The following RGS6 variants were observed in gnomAD, a reference collection of about 807,000 sequenced individuals.
RGS6 encodes the protein regulator of G protein signaling 6, also known as regulator of G-protein signaling 6.
Under a neutral mutation model 78.5 loss-of-function variants are expected in RGS6, and 30 were observed. That is an observed-to-expected ratio of 0.38 (90% CI 0.29 to 0.52). The LOEUF (loss-of-function observed/expected upper bound fraction) is 0.52, where lower values mean the gene tolerates loss of function less well. Ranked by LOEUF, RGS6 falls within the 20% of genes least tolerant of loss-of-function variation. The probability of loss-of-function intolerance (pLI) is 0.85; values close to 1 mark genes in which losing one functional copy is unlikely to be tolerated. For missense variants in RGS6, 495 were observed against 609.7 expected (o/e 0.81, Z 1.98); for synonymous variants, 206 against 206.0 (o/e 1.00, Z 0.00).
intron 12 of RGS6, among the ~76,000 whole-genome samples, chr14:72,484,142 A>G (rs2096441338): frequency 6.6e-6 from 1 of 152,300 alleles, no homozygotes; most frequent in South Asian, 2.1e-4. Flanking sequence ...GCGTGCCAGC[A>G]TGCTCTCCTC....
chr14:72,559,632 GT>G lies in RGS6; in HGVS notation c.1423-2783del, dbSNP rs762766932. On this transcript the variant is annotated intron_variant, in intron 17 of 17. Coordinates refer to ENST00000553525, the MANE Select transcript of RGS6 (RefSeq NM_001204424.2). ...AAAAATGCCAAGCAGCACCGCCTGG[GT>G]TGCTGAGAGGTTGGGAACAATCCCA... Among the ~76,000 whole-genome samples the G allele has an allele frequency of 2.3e-4, 35 of 152,332 alleles. No homozygotes were observed. The East Asian group carries it at 6.6e-3, about 29-fold the overall frequency.
chr14:72,245,232 A>G (rs2053928809), intron 2 of RGS6, among the ~76,000 whole-genome samples: 1 of 152,206 alleles, frequency 6.6e-6, no homozygotes, highest in Non-Finnish European at 1.5e-5. Context: ...TTCACAGGGA[A>G]ATGACTTTGC....
intron 2 of RGS6, among the ~76,000 whole-genome samples, chr14:72,139,873 C>A (rs1433104034): frequency 6.6e-6 from 1 of 152,052 alleles, no homozygotes; most frequent in Non-Finnish European, 1.5e-5. Flanking sequence ...TGTGCCTACA[C>A]TTGCATGTTT....
At chr14:71,903,102 C>T in the RGS6 span, among the ~76,000 whole-genome samples, 2 of 152,194 alleles carry the variant, frequency 1.3e-5, no homozygotes, top group Non-Finnish European at 2.9e-5. Flanking sequence ...AAAAGAACTC[C>T]AGGAACCTGG....
In RGS6 at chr14:71,964,585, GT is replaced by G. The variant is rs1462680088; in HGVS notation, c.-20-184del. The stretch of plus-strand genomic sequence containing the variant: ...CTGAGCTGAAAATCAATAACATGTT[GT>G]TTGGGGATTAGAAGAATATTTGTGG... On this transcript the variant is annotated intron_variant, in intron 1 of 17. Transcript: ENST00000553525. 5.9e-5 allele frequency among the ~76,000 whole-genome samples: 9 copies of G among 152,236 alleles called. No homozygotes were observed. In the East Asian group the frequency reaches 1.5e-3, roughly 26 times the overall value.
At chr14:72,380,769 C>G (rs1596475989) in intron 3 of RGS6, among the ~76,000 whole-genome samples, 1 of 151,988 alleles carries the variant, frequency 6.6e-6, no homozygotes, top group Non-Finnish European at 1.5e-5. Context: ...GGAGGTTCCT[C>G]AAAACACTAA....
rs190920559 is a variant in RGS6 at position 72,059,230 on chromosome 14, G to A, written c.84+94355G>A. Among the ~76,000 whole-genome samples the A allele has an allele frequency of 1.7e-3, 252 of 152,214 alleles. 3 individuals carry two copies. Among genetic ancestry groups the A allele is most frequent in the African/African-American group, 5.6e-3 (234 of 41,542 alleles). Reference sequence around the variant, plus strand: ...GCTTATTTTCAATACTCTTTTCTCAGGGATCTTGGTAACCAGAGCAGAATG... The same window carrying A: ...GCTTATTTTCAATACTCTTTTCTCAAGGATCTTGGTAACCAGAGCAGAATG... On this transcript the variant is annotated intron_variant, in intron 2 of 17. Coordinates refer to ENST00000553525, the MANE Select transcript of RGS6 (RefSeq NM_001204424.2).
intron 7 of RGS6, among the ~76,000 whole-genome samples, chr14:72,466,746 A>T (rs898906191): frequency 7.9e-5 from 12 of 152,352 alleles, no homozygotes; most frequent in Admixed American, 6.5e-4. Flanking sequence ...TTGGAAGGTG[A>T]TGGAACTGTT....
At chr14:72,049,406 G>C (rs369715012) in intron 2 of RGS6, among the ~76,000 whole-genome samples, 1 of 152,126 alleles carries the variant, frequency 6.6e-6, no homozygotes, top group Non-Finnish European at 1.5e-5. Context: ...TGAGGGCTTC[G>C]AGCCACAAGT....
intron 8 of RGS6, among the ~76,000 whole-genome samples, chr14:72,472,467 C>T (rs992464876): frequency 2.0e-5 from 3 of 152,302 alleles, no homozygotes; most frequent in Admixed American, 2.0e-4. Flanking sequence ...GGAACACTGG[C>T]AAGATGGTGG....
At position 72,488,462 on chromosome 14, in the gene RGS6, A is replaced by G. The variant is rs138559400; in HGVS notation, c.855-6690A>G. 3.0e-4 allele frequency among the ~76,000 whole-genome samples: 46 copies of G among 152,312 alleles called. No individual in the cohort carries two copies. In the East Asian group the frequency reaches 7.9e-3, roughly 26 times the overall value. On this transcript the variant is annotated intron_variant, in intron 12 of 17. Coordinates refer to ENST00000553525, the MANE Select transcript of RGS6 (RefSeq NM_001204424.2). ...CACATTCTCCTAAACCAACATCACC[A>G]TGAGCTCTCACCACCTCTCTTCCAC...
chr14:72,134,259 A>G (rs2153598420), intron 2 of RGS6, among the ~76,000 whole-genome samples: 2 of 152,234 alleles, frequency 1.3e-5, no homozygotes, highest in Admixed American at 1.3e-4. Context: ...AGGTATTCCT[A>G]TATACACACC....
chr14:72,477,837 A>G (rs991915560), intron 11 of RGS6, among the ~76,000 whole-genome samples: 1 of 152,060 alleles, frequency 6.6e-6, no homozygotes, highest in Non-Finnish European at 1.5e-5. Context: ...CCACACAGAA[A>G]AAAAGCTATT....
At chr14:72,471,458 G>T (rs1289259804) in intron 8 of RGS6, among the ~76,000 whole-genome samples, 2 of 152,262 alleles carry the variant, frequency 1.3e-5, no homozygotes, top group Non-Finnish European at 2.9e-5. Flanking sequence ...TAAGCTGGGA[G>T]AATGGGACTA....
intron 2 of RGS6, among the ~76,000 whole-genome samples, chr14:72,239,931 C>A (rs2153822708): frequency 6.6e-6 from 1 of 152,306 alleles, no homozygotes; most frequent in Non-Finnish European, 1.5e-5. Flanking sequence ...CATTTGGGAT[C>A]TTTCAAATGC....
chr14:71,940,913 T>C (rs1279060035), intron 1 of RGS6, among the ~76,000 whole-genome samples: 1 of 152,236 alleles, frequency 6.6e-6, no homozygotes, highest in Non-Finnish European at 1.5e-5. Context: ...GATTCCTTCC[T>C]GTACATTAAG....
intron 3 of RGS6, among the ~76,000 whole-genome samples, chr14:72,427,487 T>A (rs564824595): frequency 5.3e-5 from 8 of 152,184 alleles, no homozygotes; most frequent in Non-Finnish European, 8.8e-5. Flanking sequence ...TTGAGCAAAG[T>A]GAGGTGAGCC....
At chr14:72,443,555 C>T (rs1314689424) in intron 3 of RGS6, among the ~76,000 whole-genome samples, 1 of 152,208 alleles carries the variant, frequency 6.6e-6, no homozygotes, top group Non-Finnish European at 1.5e-5. Flanking sequence ...TGACCCCTTG[C>T]CTCTCCTGCT....
intron 3 of RGS6, among the ~76,000 whole-genome samples, chr14:72,360,576 C>T (rs2081253138): frequency 6.6e-6 from 1 of 151,064 alleles, no homozygotes; most frequent in African/African-American, 2.4e-5. Flanking sequence ...AATAGATGCA[C>T]AGAGGTACAA....
Sources: gnomAD v4.1 joint callset for allele counts (sites outside exome capture counted in the v4.1 genomes callset) on GRCh38, gnomAD v4.1.1 for gene constraint, MANE v1.5 for transcripts, NCBI Gene and HGNC (gene_info 2026-07-23, HGNC 2026-07-21) for gene names.